CTIF: variants seen among roughly 807,000 people sequenced by gnomAD.
CTIF encodes the protein CBP80/20-dependent translation initiation factor.
CTIF carries 21 observed loss-of-function variants against 66.0 expected under a neutral mutation model. That is an observed-to-expected ratio of 0.32 (90% CI 0.23 to 0.46). CTIF has a LOEUF of 0.46. CTIF is among the 20% of genes least tolerant of loss of function. CTIF has a pLI of 1.00. For missense variants in CTIF, 739 were observed against 812.7 expected (o/e 0.91, Z 1.10); for synonymous variants, 345 against 326.4 (o/e 1.06, Z -0.62).
chr18:48,765,069 C>A (rs952247039), intron 9 of CTIF, among the ~76,000 whole-genome samples: 1 of 152,186 alleles, frequency 6.6e-6, no homozygotes, highest in Non-Finnish European at 1.5e-5. Context: ...TAATTCATGG[C>A]CCCTCACCAC....
intron 9 of CTIF, among the ~76,000 whole-genome samples, chr18:48,806,327 T>G (rs2068146491): frequency 6.6e-6 from 1 of 152,184 alleles, no homozygotes; most frequent in Non-Finnish European, 1.5e-5. Context: ...CAGCTCCCCA[T>G]GGTCTGTCCC....
chr18:48,847,154 A>C (rs1170037852), intron 10 of CTIF, among the ~76,000 whole-genome samples: 3 of 151,854 alleles, frequency 2.0e-5, no homozygotes, highest in South Asian at 2.1e-4. Context: ...CTAAAAATAC[A>C]AAAATTAGCT....
At chr18:48,816,762 C>T (rs1200644732) in intron 9 of CTIF, among the ~76,000 whole-genome samples, 2 of 152,254 alleles carry the variant, frequency 1.3e-5, no homozygotes, top group African/African-American at 4.8e-5. Flanking sequence ...CCTCTGTTGC[C>T]ACTGCTGATG....
At chr18:48,804,647 C>T (rs1310810222) in intron 9 of CTIF, among the ~76,000 whole-genome samples, 1 of 152,226 alleles carries the variant, frequency 6.6e-6, no homozygotes, top group Non-Finnish European at 1.5e-5. Context: ...ACATGTTACT[C>T]ATTTAAGCCA....
intron 1 of CTIF, among the ~76,000 whole-genome samples, chr18:48,594,029 C>T (rs1336647974): frequency 1.3e-5 from 2 of 152,182 alleles, no homozygotes; most frequent in Non-Finnish European, 2.9e-5. Flanking sequence ...TTTTACCTCT[C>T]CTGTGCCACA....
chr18:48,761,732 T>G lies in CTIF; in HGVS notation c.1371+43T>G. 3.2e-6 allele frequency: 5 copies of G among 1,565,806 alleles called. No homozygotes were observed. Among genetic ancestry groups the G allele is most frequent in the Non-Finnish European group, 3.5e-6 (4 of 1,148,696 alleles). ...ACCACCGCCCCGCGCCCCCTGCCCCTCTGCGTTCGGTGAGTTATTCCTAGC... is the reference window on the plus strand; with the variant it reads ...ACCACCGCCCCGCGCCCCCTGCCCCGCTGCGTTCGGTGAGTTATTCCTAGC... On this transcript the variant is annotated intron_variant, in intron 9 of 11. Transcript: ENST00000256413. The surrounding 1 kb of genome is among the most constrained non-coding windows in gnomAD (Gnocchi z 4.2).
chr18:48,565,604 CTG>C (rs2089263199), intron 1 of CTIF: 2 of 152,206 alleles, frequency 1.3e-5, no homozygotes, highest in African/African-American at 4.8e-5. Flanking sequence ...GGCAGGGCCT[CTG>C]TGCTTTAGTT....
At chr18:48,635,955 C>T (rs1233533184) in intron 2 of CTIF, among the ~76,000 whole-genome samples, 1 of 152,210 alleles carries the variant, frequency 6.6e-6, no homozygotes, top group Non-Finnish European at 1.5e-5. Context: ...AATGCTGATC[C>T]TCTGGCCCTG....
chr18:48,713,319 C>T (rs28618158), intron 7 of CTIF, among the ~76,000 whole-genome samples: 1,679 of 152,182 alleles, frequency 0.011, 26 homozygotes, highest in African/African-American at 0.038. Flanking sequence ...TGAGAAGTCA[C>T]CCTCTGCCCC....
intron 3 of CTIF, among the ~76,000 whole-genome samples, chr18:48,639,504 G>C (rs1402490330): frequency 6.6e-6 from 1 of 152,178 alleles, no homozygotes. Context: ...GCACCTCCTG[G>C]ATGGATGGCC....
chr18:48,837,915 T>C (rs1157017524), intron 10 of CTIF, among the ~76,000 whole-genome samples: 5 of 152,012 alleles, frequency 3.3e-5, no homozygotes, highest in Non-Finnish European at 7.4e-5. Flanking sequence ...ACCCACACCC[T>C]CCCTGGTGGG....
At position 48,860,460 on chromosome 18, in the gene CTIF, T is replaced by TC. The variant is rs933888051; in HGVS notation, c.*905dup. 2 of 154,126 alleles carry TC rather than the reference T, an allele frequency of 1.3e-5. No individual in the cohort carries two copies. Among genetic ancestry groups the TC allele is most frequent in the African/African-American group, 2.5e-5 (1 of 40,294 alleles). The allele number at this position is 154,126 out of a possible 1,614,324, so 9.5% of individuals were successfully genotyped here. A position where few individuals can be genotyped will look rare whatever the true frequency, so the allele number is the denominator to read the frequency against. ...TGGAAACTTCTGCCCCGGCGGGGGG[T>TC]CCCCGCTGGAATCCTGTGTTCCTCG... is the stretch of plus-strand genomic sequence containing the variant. On this transcript the variant is annotated 3_prime_UTR_variant, in exon 12 of 12. Transcript: ENST00000256413.
intron 7 of CTIF, among the ~76,000 whole-genome samples, chr18:48,745,316 C>A (rs1461522299): frequency 1.3e-5 from 2 of 152,222 alleles, no homozygotes; most frequent in Non-Finnish European, 2.9e-5. Context: ...GTTCTTTAAT[C>A]CCCTGCCTGG....
chr18:48,777,822 G>A (rs1444575055), intron 9 of CTIF, among the ~76,000 whole-genome samples: 1 of 152,214 alleles, frequency 6.6e-6, no homozygotes, highest in African/African-American at 2.4e-5. Context: ...CAGGGTCAAG[G>A]GCAGGCCATG....
At chr18:48,605,495 A>G (rs2090185558) in intron 1 of CTIF, among the ~76,000 whole-genome samples, 1 of 152,202 alleles carries the variant, frequency 6.6e-6, no homozygotes, top group South Asian at 2.1e-4. Context: ...CTGCGGTTGT[A>G]TCTGGCTACA....
At chr18:48,668,403 C>G (rs925226344) in intron 5 of CTIF, among the ~76,000 whole-genome samples, 7 of 152,230 alleles carry the variant, frequency 4.6e-5, no homozygotes, top group Non-Finnish European at 7.3e-5. Flanking sequence ...TTGGTGCTTT[C>G]ACAGGCCAGC....
intron 6 of CTIF, among the ~76,000 whole-genome samples, chr18:48,709,130 G>A (rs2092194849): frequency 6.6e-6 from 1 of 152,194 alleles, no homozygotes; most frequent in Admixed American, 6.5e-5. Flanking sequence ...CCATTTTACA[G>A]ATATGGAAAC....
chr18:48,571,189 T>C (rs564087440), intron 1 of CTIF, among the ~76,000 whole-genome samples: 1 of 152,238 alleles, frequency 6.6e-6, no homozygotes, highest in African/African-American at 2.4e-5. Flanking sequence ...TGTTTGTTTG[T>C]TTGTTTGCCC....
intron 1 of CTIF, among the ~76,000 whole-genome samples, chr18:48,572,670 AG>A (rs2143675342): frequency 6.6e-6 from 1 of 152,210 alleles, no homozygotes; most frequent in East Asian, 1.9e-4. Flanking sequence ...CGGAAGAAGA[AG>A]GTGTTGATGA....
Sources: allele counts gnomAD v4.1 joint callset (sites outside exome capture counted in the v4.1 genomes callset), GRCh38; gene constraint gnomAD v4.1.1; non-coding constraint Gnocchi (gnomAD v3.1); transcripts MANE v1.5; gene names NCBI Gene and HGNC (gene_info 2026-07-23, HGNC 2026-07-21).